WNT5B: variants seen among roughly 807,000 people sequenced by gnomAD.
WNT5B encodes protein Wnt-5b.
Under a neutral mutation model 36.5 loss-of-function variants are expected in WNT5B, and 18 were observed. The ratio of observed to expected loss-of-function variants is 0.49; its 90% confidence interval spans 0.34 to 0.73. The LOEUF is 0.73. WNT5B is among the 30% of genes least tolerant of loss of function. The pLI, the probability that WNT5B is intolerant of heterozygous loss-of-function variation, is 0.01. For synonymous variants in WNT5B, 213 were observed against 212.3 expected (o/e 1.00, Z -0.03); for missense variants, 424 against 508.4 (o/e 0.83, Z 1.60).
chr12:1,639,357 C>A (rs1185189570), intron 3 of WNT5B, among the ~76,000 whole-genome samples: 2 of 152,196 alleles, frequency 1.3e-5, no homozygotes, highest in Non-Finnish European at 2.9e-5. Context: ...CCAGGCTGGT[C>A]TCGATCTCCT....
At chr12:1,628,199 C>G (rs576495796), upstream of WNT5B, among the ~76,000 whole-genome samples, 3 of 151,624 alleles carry the variant, frequency 2.0e-5, no homozygotes, top group Middle Eastern at 3.2e-3. Context: ...CTCTGTCACC[C>G]GGCTGGAGTG....
chr12:1,620,863 C>T (rs2094532905), intron 1 of WNT5B, among the ~76,000 whole-genome samples: 1 of 151,164 alleles, frequency 6.6e-6, no homozygotes, highest in Non-Finnish European at 1.5e-5. Context: ...GCCACCACCC[C>T]TGGCTAATTT....
intron 1 of WNT5B, among the ~76,000 whole-genome samples, chr12:1,622,602 G>A (rs1029514976): frequency 1.3e-5 from 2 of 152,186 alleles, no homozygotes; most frequent in African/African-American, 4.8e-5. Flanking sequence ...GACTCTCCTT[G>A]TCTTCATGAG....
At chr12:1,631,239 C>A in intron 1 of WNT5B, 59 bp from the exon 2 acceptor site, 4 of 1,477,708 alleles carry the variant, frequency 2.7e-6, no homozygotes, top group Non-Finnish European at 3.6e-6. Context: ...CACCCCGGCT[C>A]CTGGTCTGCC....
intron 4 of WNT5B, among the ~76,000 whole-genome samples, chr12:1,643,196 A>G (rs1004919669): frequency 6.6e-6 from 1 of 152,126 alleles, no homozygotes; most frequent in African/African-American, 2.4e-5. Context: ...CGGCAACACC[A>G]GTGGCTGATG....
chr12:1,626,496 C>T (rs113005582), upstream of WNT5B, among the ~76,000 whole-genome samples: 764 of 151,976 alleles, frequency 5.0e-3, 8 homozygotes, highest in African/African-American at 0.018. Context: ...CTCCTGACCT[C>T]GGGTAATCCA....
chr12:1,639,636 C>T (rs187624410), intron 3 of WNT5B, 48 bp from the exon 4 acceptor site: 25 of 1,447,386 alleles, frequency 1.7e-5, no homozygotes, highest in Admixed American at 2.8e-5. Context: ...GGACAGGTCC[C>T]CGGGAGAGGA....
chr12:1,639,039 C>G (rs1682969481), intron 3 of WNT5B, among the ~76,000 whole-genome samples: 1 of 152,180 alleles, frequency 6.6e-6, no homozygotes, highest in Non-Finnish European at 1.5e-5. Flanking sequence ...CTATTCTCCC[C>G]TCCGCTGAGG....
chr12:1,632,984 G>A lies in WNT5B; in HGVS notation c.328+79G>A, dbSNP rs2094553901. 1 of 1,525,634 alleles carries A rather than the reference G, an allele frequency of 6.6e-7. No individual in the cohort carries two copies. Among genetic ancestry groups the A allele is most frequent in the Admixed American group, 1.9e-5 (1 of 52,080 alleles). 94.5% of individuals were successfully genotyped at this position (1,525,634 alleles called of 1,614,324 possible). ...GGAGCAATTAAGCTCTCTCAGGACT[G>A]GCACAGGGAGAGCCCAAAGGCAGCC... On this transcript the variant is annotated intron_variant, in intron 3 of 4. Transcript: ENST00000397196. This position sits in a 1 kb window ranked among gnomAD's most constrained non-coding sequence, Gnocchi z 5.8.
At chr12:1,642,359 A>G (rs976498330) in intron 4 of WNT5B, among the ~76,000 whole-genome samples, 1 of 152,094 alleles carries the variant, frequency 6.6e-6, no homozygotes, top group Non-Finnish European at 1.5e-5. Context: ...TGCCCTCCCC[A>G]GTCCCCATTG....
Position 1,646,039 on chromosome 12 carries a change from G to A in WNT5B, c.867G>A (p.Leu289=), listed in dbSNP as rs1363822815. The A allele has an allele frequency of 4.3e-6, 7 of 1,613,206 alleles. No individual in the cohort carries two copies. Among genetic ancestry groups the A allele is most frequent in the African/African-American group, 1.3e-5 (1 of 74,952 alleles). The change falls in exon 5 of 5, where the codon CTG becomes CTA. Residue 289 remains leucine (L), a synonymous_variant. Transcript: ENST00000397196. ...TGGACCCCAGCCCCGACTACTGCCT[G>A]CGCAACGAGAGCACGGGCTCCCTGG... ...VYVDPSPDYC[L]RNESTGSLGT... is the part of the protein sequence containing the mutation.
rs28384806 is a variant in WNT5B, at chr12:1,636,042, G to T, written c.328+3137G>T. Among the ~76,000 whole-genome samples the T allele has an allele frequency of 5.8e-4, 89 of 152,218 alleles. 1 individual carries two copies. In the East Asian group the frequency reaches 0.015, roughly 26 times the overall value. On this transcript the variant is annotated intron_variant, in intron 3 of 4. Transcript: ENST00000397196. ...GACTGCTTCCCTTTCTACCTTCCAA[G>T]ACAAGACTCTGGGATTCTGCCTGGT...
At chr12:1,621,256 C>G (rs533858719) in intron 1 of WNT5B, among the ~76,000 whole-genome samples, 53 of 152,020 alleles carry the variant, frequency 3.5e-4, no homozygotes, top group African/African-American at 1.2e-3. Context: ...ACAAAGGATA[C>G]CAAGATTTCA....
chr12:1,626,605 C>T (rs2094541481), upstream of WNT5B, among the ~76,000 whole-genome samples: 1 of 149,856 alleles, frequency 6.7e-6, no homozygotes, highest in African/African-American at 2.5e-5. Flanking sequence ...CACTCTATCG[C>T]CCAGGCTGGA....
chr12:1,646,312 A>G lies in WNT5B; in HGVS notation c.*60A>G. On this transcript the variant is annotated 3_prime_UTR_variant, in exon 5 of 5. Coordinates refer to ENST00000397196, the MANE Select transcript of WNT5B (RefSeq NM_032642.3). ...GCCTCACAAAGGTCTATATTATATA[A>G]ATCTATATAAATCTATTTTATATTT... is the stretch of plus-strand genomic sequence containing the variant. 3 of 1,242,116 alleles carry G rather than the reference A, an allele frequency of 2.4e-6. No individual in the cohort carries two copies. The highest frequency in any genetic ancestry group is 3.2e-6 in the Non-Finnish European group (3 of 947,190). 76.9% of individuals were successfully genotyped at this position (1,242,116 alleles called of 1,614,324 possible). A position where few individuals can be genotyped will look rare whatever the true frequency, so the allele number is the denominator to read the frequency against.
chr12:1,625,735 C>T (rs10848537), upstream of WNT5B, among the ~76,000 whole-genome samples: 102,206 of 152,012 alleles, frequency 0.67, 34,632 homozygotes, highest in Non-Finnish European at 0.71. Flanking sequence ...GCAATCTCGG[C>T]TCACTGCAAG....
chr12:1,639,159 A>G (rs1385002406), intron 3 of WNT5B, among the ~76,000 whole-genome samples: 1 of 150,002 alleles, frequency 6.7e-6, no homozygotes, highest in Non-Finnish European at 1.5e-5. Flanking sequence ...TTTTTTTGAG[A>G]CAGAGTCTCA....
rs1406877627 is a variant in WNT5B, at chr12:1,639,812, C to T, written c.457C>T (p.Pro153Ser). ...CCGGACGGCGCGGCCCAAGGACCTG[C>T]CCCGGGACTGGCTGTGGGGCGGCTG... ...CSRTARPKDLPRDWLWGGCGD... is the reference protein window; with the variant it reads ...CSRTARPKDLSRDWLWGGCGD... The change falls in exon 4 of 5, where the codon CCC becomes TCC. Residue 153 changes from proline to serine, a missense_variant. Transcript: ENST00000397196. 1 of 1,613,596 alleles carries T rather than the reference C, an allele frequency of 6.2e-7. No homozygotes were observed. The highest frequency in any genetic ancestry group is 1.1e-5 in the South Asian group (1 of 91,076).
rs1309372453 is a variant in WNT5B, at chr12:1,630,811, C to G, written c.-57-487C>G. ...GACTCCTCCCTGGGTGCAGGTAAAT[C>G]CAATTCACCAAAATGTTTTAATCCT... On this transcript the variant is annotated intron_variant, in intron 1 of 4. Transcript: ENST00000397196. The surrounding 1 kb of genome is among the most constrained non-coding windows in gnomAD (Gnocchi z 5.3). 1 of 153,046 alleles carries G rather than the reference C, an allele frequency of 6.5e-6. No individual in the cohort carries two copies. The highest frequency in any genetic ancestry group is 2.4e-5 in the African/African-American group (1 of 41,440). The allele number at this position is 153,046 out of a possible 1,614,324, so 9.5% of individuals were successfully genotyped here. A position where few individuals can be genotyped will look rare whatever the true frequency, so the allele number is the denominator to read the frequency against.
Sources: gnomAD v4.1 joint callset for allele counts (sites outside exome capture counted in the v4.1 genomes callset) on GRCh38, gnomAD v4.1.1 for gene constraint, Gnocchi (gnomAD v3.1) non-coding constraint, MANE v1.5 for transcripts, NCBI Gene and HGNC (gene_info 2026-07-23, HGNC 2026-07-21) for gene names.